LSP1: variants seen among roughly 807,000 people sequenced by gnomAD.
LSP1 encodes the protein lymphocyte-specific protein 1.
Under a neutral mutation model 49.3 loss-of-function variants are expected in LSP1, and 32 were observed. The observed-to-expected ratio is 0.65, with a 90% CI of 0.49 to 0.87. The LOEUF (loss-of-function observed/expected upper bound fraction) is 0.87. LSP1 is among the 40% of genes least tolerant of loss of function. LSP1 has a pLI of 0.00. For missense variants in LSP1, 428 were observed against 442.6 expected (o/e 0.97, Z 0.30); for synonymous variants, 179 against 178.8 (o/e 1.00, Z -0.01).
At chr11:1,889,536 T>A in intron 10 of LSP1, 1 of 613,600 alleles carries the variant, frequency 1.6e-6, no homozygotes. Context: ...TGGGGCCTCC[T>A]CCAGCAGCTG....
At chr11:1,874,086 G>GGGA (rs1565079661) in intron 1 of LSP1, among the ~76,000 whole-genome samples, 17 of 141,372 alleles carry the variant, frequency 1.2e-4, no homozygotes, top group African/African-American at 4.1e-4. Flanking sequence ...AGGGAGGCCG[G>GGGA]CAGAGCAGGG....
At chr11:1,866,889 C>T (rs1847811171) in intron 1 of LSP1, 2 of 1,524,542 alleles carry the variant, frequency 1.3e-6, no homozygotes, top group Non-Finnish European at 1.8e-6. Context: ...GTCCAGCGGG[C>T]CCAGCACCAA....
intron 4 of LSP1, 106 bp from the exon 5 acceptor site, chr11:1,883,826 G>T: frequency 8.8e-7 from 1 of 1,131,192 alleles, no homozygotes; most frequent in Non-Finnish European, 1.3e-6. Flanking sequence ...GGGCCACAGA[G>T]AACCTGGGGC....
At chr11:1,889,866 G>T in intron 10 of LSP1, 1 of 631,456 alleles carries the variant, frequency 1.6e-6, no homozygotes, top group East Asian at 2.7e-5. Context: ...CTCAGGCAAG[G>T]GACTGGCAGC....
At chr11:1,876,360 C>A (rs868551976) in intron 1 of LSP1, 1 of 784,878 alleles carries the variant, frequency 1.3e-6, no homozygotes, top group Non-Finnish European at 1.5e-6. Flanking sequence ...GAAGGCCCAG[C>A]CCAGCTCCCC....
intron 1 of LSP1, among the ~76,000 whole-genome samples, chr11:1,861,844 T>C (rs1847645066): frequency 6.7e-6 from 1 of 149,744 alleles, no homozygotes. Flanking sequence ...GATGGATGGA[T>C]TGATGAGTGG....
intron 3 of LSP1, among the ~76,000 whole-genome samples, chr11:1,882,005 G>A (rs1432594971): frequency 3.3e-5 from 5 of 152,156 alleles, no homozygotes; most frequent in African/African-American, 4.8e-5. Flanking sequence ...CTGAGAGCCC[G>A]CCGCCGCCCC....
chr11:1,886,840 T>G lies in LSP1; in HGVS notation c.826T>G (p.Ser276Ala), dbSNP rs574262123. ...RWETGEVQAQSAAKTPSCKDI... is the reference protein window; with the variant it reads ...RWETGEVQAQAAAKTPSCKDI... ...GGAGACGGGTGAGGTACAGGCTCAG[T>G]CTGCGGCCAAGACTCCGTCCTGCAA... The change falls in exon 8 of 11, where the codon TCT (serine) becomes GCT (alanine). Residue 276 changes from serine to alanine, a missense_variant. Transcript: ENST00000311604. 1 of 1,611,670 alleles carries G rather than the reference T, an allele frequency of 6.2e-7. No homozygotes were observed. The highest frequency in any genetic ancestry group is 1.3e-5 in the African/African-American group (1 of 74,976).
chr11:1,863,854 G>A (rs1847706318), intron 1 of LSP1, among the ~76,000 whole-genome samples: 1 of 152,172 alleles, frequency 6.6e-6, no homozygotes, highest in Non-Finnish European at 1.5e-5. Flanking sequence ...AACCGAAGAT[G>A]CTGCGTTGGT....
intron 10 of LSP1, chr11:1,889,864 A>G (rs1210473014): frequency 3.2e-6 from 2 of 630,752 alleles, no homozygotes; most frequent in Non-Finnish European, 5.8e-6. Flanking sequence ...TCCTCAGGCA[A>G]GGGACTGGCA....
At chr11:1,872,773 G>A (rs1469460190) in intron 1 of LSP1, among the ~76,000 whole-genome samples, 1 of 151,958 alleles carries the variant, frequency 6.6e-6, no homozygotes, top group African/African-American at 2.4e-5. Flanking sequence ...TTGGGACGGG[G>A]TGTGTGTGGC....
intron 7 of LSP1, 134 bp from the exon 8 acceptor site, chr11:1,886,598 A>G: frequency 4.0e-6 from 4 of 993,138 alleles, no homozygotes; most frequent in South Asian, 3.4e-5. Flanking sequence ...AGTGATCCCC[A>G]CTCTGGGGCT....
intron 1 of LSP1, among the ~76,000 whole-genome samples, chr11:1,874,395 C>G (rs1389779250): frequency 6.6e-6 from 1 of 151,964 alleles, no homozygotes; most frequent in Non-Finnish European, 1.5e-5. Flanking sequence ...CACCCCTTCC[C>G]GGGAGCGAGA....
chr11:1,866,561 G>T, intron 1 of LSP1: 1 of 1,547,754 alleles, frequency 6.5e-7, no homozygotes, highest in Non-Finnish European at 8.7e-7. Flanking sequence ...TGGGCCCCTG[G>T]CTGGGCACAC....
Position 1,884,051 on chromosome 11 carries a change from C to A in LSP1, c.591+27C>A. The A allele has an allele frequency of 1.9e-6, 3 of 1,592,156 alleles. No homozygotes were observed. The highest frequency in any genetic ancestry group is 2.6e-6 in the Non-Finnish European group (3 of 1,167,800). Reference sequence around the variant, plus strand: ...TAAGTTAAGCTGCAAAGCCTGCCATCTTCTCCCCTCTCCCGTACTCATACC... The same window carrying A: ...TAAGTTAAGCTGCAAAGCCTGCCATATTCTCCCCTCTCCCGTACTCATACC... On this transcript the variant is annotated intron_variant, in intron 5 of 10. Coordinates refer to ENST00000311604, the MANE Select transcript of LSP1 (RefSeq NM_002339.3). The surrounding 1 kb of genome is among the most constrained non-coding windows in gnomAD (Gnocchi z 4.1).
chr11:1,870,865 G>C, intron 1 of LSP1: 1 of 986,622 alleles, frequency 1.0e-6, no homozygotes. Context: ...CCTGCCTCGT[G>C]AGCACGGCAA....
intron 1 of LSP1, among the ~76,000 whole-genome samples, chr11:1,879,415 T>C (rs1848445012): frequency 6.6e-6 from 1 of 151,832 alleles, no homozygotes; most frequent in African/African-American, 2.4e-5. Flanking sequence ...TGGGGTGGGG[T>C]TGGGTGAGCC....
At position 1,882,870 on chromosome 11, in the gene LSP1, C is replaced by T. The variant is rs572596050; in HGVS notation, c.357-549C>T. ...GTTCAGTCCTGCTCAAATGCAGAGC[C>T]GCTCAAAGCTGCCAGCTGGCTGGCC... On this transcript the variant is annotated intron_variant, in intron 3 of 10. Coordinates refer to ENST00000311604, the MANE Select transcript of LSP1 (RefSeq NM_002339.3). Among the ~76,000 whole-genome samples the T allele has an allele frequency of 5.0e-4, 76 of 152,326 alleles. 2 individuals are homozygous for T. Among genetic ancestry groups the T allele is most frequent in the Admixed American group, 3.9e-3 (59 of 15,310 alleles).
intron 3 of LSP1, among the ~76,000 whole-genome samples, chr11:1,882,314 C>T (rs1848578790): frequency 6.6e-6 from 1 of 152,136 alleles, no homozygotes. Context: ...TTGAGTGGGA[C>T]CAGAGCCCAT....
Sources: gnomAD v4.1 joint callset for allele counts (sites outside exome capture counted in the v4.1 genomes callset) on GRCh38, gnomAD v4.1.1 for gene constraint, Gnocchi (gnomAD v3.1) non-coding constraint, MANE v1.5 for transcripts, NCBI Gene and HGNC (gene_info 2026-07-23, HGNC 2026-07-21) for gene names.